Variants in DIAPH2 observed in about 807,000 individuals in gnomAD.
DIAPH2 encodes protein diaphanous homolog 2.
A neutral mutation model predicts 92.7 loss-of-function variants in DIAPH2; 35 were observed. That is an observed-to-expected ratio of 0.38 (90% confidence interval 0.29 to 0.50). The LOEUF (loss-of-function observed/expected upper bound fraction) is 0.50, where lower values mean the gene tolerates loss of function less well. DIAPH2 is among the 20% of genes least tolerant of loss of function. The probability of loss-of-function intolerance (pLI) is 0.94; values close to 1 mark genes in which losing one functional copy is unlikely to be tolerated. For missense variants in DIAPH2, 701 were observed against 819.5 expected (o/e 0.86, Z 1.77); for synonymous variants, 301 against 280.4 (o/e 1.07, Z -0.73).
At chrX:97,427,704 GGAATC>G (rs1443457106) in intron 25 of DIAPH2, among the ~76,000 whole-genome samples, 1 of 109,425 alleles carries the variant, frequency 9.1e-6, no homozygotes, top group Non-Finnish European at 1.9e-5. Flanking sequence ...TTTTGTAGAT[GGAATC>G]TCAGTCTGTT....
intron 26 of DIAPH2, among the ~76,000 whole-genome samples, chrX:97,449,463 T>G (rs768109081): frequency 1.8e-5 from 2 of 112,326 alleles, no homozygotes; most frequent in Non-Finnish European, 3.8e-5. Context: ...TTTTATGATT[T>G]TTGTATTAAA....
At chrX:97,038,939 T>G (rs776928942) in intron 17 of DIAPH2, among the ~76,000 whole-genome samples, 1 of 111,672 alleles carries the variant, frequency 9.0e-6, no homozygotes, top group African/African-American at 3.2e-5. Flanking sequence ...TTTGTAAATT[T>G]CTTATTGAAA....
At chrX:97,576,266 C>CTGCA (rs768624700) in intron 26 of DIAPH2, among the ~76,000 whole-genome samples, 2 of 111,686 alleles carry the variant, frequency 1.8e-5, no homozygotes, top group Non-Finnish European at 3.8e-5. Context: ...TCTGTGCAGA[C>CTGCA]TGCAGTCAGA....
At chrX:97,381,645 G>A (rs1444819856) in intron 24 of DIAPH2, among the ~76,000 whole-genome samples, 1 of 111,543 alleles carries the variant, frequency 9.0e-6, no homozygotes, top group Non-Finnish European at 1.9e-5. Context: ...AATGAACATA[G>A]AGGCTAATGC....
chrX:97,579,420 A>C (rs1236741493), intron 26 of DIAPH2, among the ~76,000 whole-genome samples: 1 of 111,068 alleles, frequency 9.0e-6, no homozygotes, highest in African/African-American at 3.3e-5. Context: ...ACCATTTATT[A>C]AATAGGGAAT....
At chrX:97,477,188 G>A (rs768896552) in intron 26 of DIAPH2, among the ~76,000 whole-genome samples, 90 of 105,494 alleles carry the variant, frequency 8.5e-4, no homozygotes, top group African/African-American at 2.8e-3. Context: ...AAATCGGCCA[G>A]GCATGGTAAC....
At chrX:97,027,756 C>T (rs2066345135) in intron 17 of DIAPH2, among the ~76,000 whole-genome samples, 1 of 112,122 alleles carries the variant, frequency 8.9e-6, no homozygotes, top group African/African-American at 3.2e-5. Flanking sequence ...GCATCGGTAG[C>T]CATTTCATTC....
chrX:97,055,096 ATT>A (rs374701146), intron 17 of DIAPH2, among the ~76,000 whole-genome samples: 7 of 97,040 alleles, frequency 7.2e-5, no homozygotes, highest in South Asian at 9.4e-4. Context: ...GGCTAGTTTA[ATT>A]TTTTTTTTTT....
chrX:96,869,406 AC>A (rs1379641839), intron 4 of DIAPH2, among the ~76,000 whole-genome samples: 11 of 110,785 alleles, frequency 9.9e-5, no homozygotes, highest in African/African-American at 3.6e-4. Context: ...TACTAAAAAT[AC>A]AAAAATTAGC....
chrX:96,933,560 G>A (rs1359410576), intron 10 of DIAPH2, among the ~76,000 whole-genome samples: 2 of 99,191 alleles, frequency 2.0e-5, no homozygotes, highest in African/African-American at 3.6e-5. Flanking sequence ...ATGTGTGTGT[G>A]TATATATATA....
chrX:97,368,886 G>A (rs764797406), intron 24 of DIAPH2, among the ~76,000 whole-genome samples: 1 of 96,600 alleles, frequency 1.0e-5, no homozygotes, highest in Non-Finnish European at 2.0e-5. Context: ...TAAACCAACA[G>A]AGTCTACCCT....
At chrX:97,255,849 G>T (rs2147561591) in intron 23 of DIAPH2, among the ~76,000 whole-genome samples, 1 of 111,955 alleles carries the variant, frequency 8.9e-6, no homozygotes, top group Admixed American at 9.5e-5. Context: ...TTTTCTCTTT[G>T]AAGAGTTTTG....
At chrX:97,444,432 A>G (rs1172436890) in intron 26 of DIAPH2, among the ~76,000 whole-genome samples, 1 of 111,681 alleles carries the variant, frequency 9.0e-6, no homozygotes, top group Non-Finnish European at 1.9e-5. Context: ...AGTTAATGCT[A>G]TTGTGCATGG....
At chrX:97,261,054 G>A (rs904043029) in intron 23 of DIAPH2, among the ~76,000 whole-genome samples, 2 of 112,624 alleles carry the variant, frequency 1.8e-5, no homozygotes, top group Non-Finnish European at 3.8e-5. Flanking sequence ...TAAAATGATG[G>A]CTTTTTCAAT....
At chrX:97,039,391 A>G (rs2066433375) in intron 17 of DIAPH2, among the ~76,000 whole-genome samples, 1 of 111,408 alleles carries the variant, frequency 9.0e-6, no homozygotes, top group Non-Finnish European at 1.9e-5. Flanking sequence ...GTATTTTAAG[A>G]TAACCTGTAG....
chrX:97,229,433 T>C (rs2067990495), intron 22 of DIAPH2, among the ~76,000 whole-genome samples: 1 of 111,748 alleles, frequency 8.9e-6, no homozygotes, highest in Admixed American at 9.6e-5. Flanking sequence ...GCAATTGCAA[T>C]GCACAGACAA....
At chrX:97,253,775 A>T (rs1389477040) in intron 23 of DIAPH2, among the ~76,000 whole-genome samples, 2 of 111,792 alleles carry the variant, frequency 1.8e-5, no homozygotes, top group Non-Finnish European at 3.8e-5. Flanking sequence ...ATAATAATAA[A>T]AAAAACAGTA....
intron 1 of DIAPH2, among the ~76,000 whole-genome samples, chrX:96,726,119 G>C (rs185202181): frequency 7.2e-4 from 80 of 111,774 alleles, no homozygotes; most frequent in African/African-American, 2.3e-3. Context: ...AATAACAAGC[G>C]TTATTTTAAA....
chrX:96,773,666 G>A (rs1440266271), intron 4 of DIAPH2, among the ~76,000 whole-genome samples: 10 of 110,848 alleles, frequency 9.0e-5, no homozygotes, highest in South Asian at 3.9e-4. Context: ...CCTGGGCAGC[G>A]TGGCAAAACC....
Sources: gnomAD v4.1 joint callset for allele counts (sites outside exome capture counted in the v4.1 genomes callset) on GRCh38, gnomAD v4.1.1 for gene constraint, MANE v1.5 for transcripts, NCBI Gene and HGNC (gene_info 2026-07-23, HGNC 2026-07-21) for gene names.